SKIC3: variants seen among roughly 807,000 people sequenced by gnomAD.
SKIC3 encodes the protein superkiller complex protein 3.
the SKIC3 span, chr5:95,525,514 CA>C: frequency 6.2e-7 from 1 of 1,613,788 alleles, no homozygotes; most frequent in Non-Finnish European, 8.5e-7. Context: ...ATAAAGTAGA[CA>C]CCTGTCAATT....
the SKIC3 span, among the ~76,000 whole-genome samples, chr5:95,492,706 G>C: frequency 1.4e-5 from 1 of 70,400 alleles, no homozygotes; most frequent in Non-Finnish European, 3.4e-5. Context: ...AACTAAACTA[G>C]ATAACAGCTG....
the SKIC3 span, among the ~76,000 whole-genome samples, chr5:95,479,653 C>T: frequency 0.011 from 1,699 of 149,524 alleles, 30 homozygotes; most frequent in African/African-American, 0.039. Context: ...CATAGGTATG[C>T]ATGTATGTAT....
the SKIC3 span, among the ~76,000 whole-genome samples, chr5:95,529,787 CCTCT>C: frequency 1.3e-5 from 2 of 151,160 alleles, no homozygotes. Flanking sequence ...TCCCTCCCTC[CCTCT>C]CCCTCCCAAT....
the SKIC3 span, chr5:95,530,267 C>T: frequency 1.1e-5 from 17 of 1,608,278 alleles, no homozygotes; most frequent in East Asian, 2.7e-4. Flanking sequence ...ATACATATAT[C>T]GAGTTTCTAA....
At chr5:95,469,851 C>G in the SKIC3 span, 1 of 1,614,172 alleles carries the variant, frequency 6.2e-7, no homozygotes, top group East Asian at 2.2e-5. Flanking sequence ...AGCAAAGCTT[C>G]AAGGCCTCAG....
the SKIC3 span, among the ~76,000 whole-genome samples, chr5:95,475,547 G>A: frequency 6.6e-6 from 1 of 152,136 alleles, no homozygotes; most frequent in Non-Finnish European, 1.5e-5. Flanking sequence ...TATGCTTACT[G>A]TACAGCCTGT....
At chr5:95,472,373 TCTC>T in the SKIC3 span, among the ~76,000 whole-genome samples, 2 of 152,116 alleles carry the variant, frequency 1.3e-5, no homozygotes, top group African/African-American at 2.4e-5. Flanking sequence ...CGCTAGCAAT[TCTC>T]CTCTTCTCTG....
At chr5:95,485,682 G>A in the SKIC3 span, among the ~76,000 whole-genome samples, 3 of 152,080 alleles carry the variant, frequency 2.0e-5, no homozygotes, top group Non-Finnish European at 4.4e-5. Context: ...TGAGTAGAAT[G>A]GGTATTATTT....
the SKIC3 span, among the ~76,000 whole-genome samples, chr5:95,477,706 A>T: frequency 4.6e-5 from 7 of 152,184 alleles, no homozygotes; most frequent in Admixed American, 3.3e-4. Flanking sequence ...CACATGGTAT[A>T]TTTAGAGATA....
At chr5:95,467,714 T>C in the SKIC3 span, 1 of 1,098,046 alleles carries the variant, frequency 9.1e-7, no homozygotes. Context: ...TGTAGTCTTT[T>C]ATTAGCCAAA....
At chr5:95,463,900 ATT>A in the SKIC3 span, 8 of 152,196 alleles carry the variant, frequency 5.3e-5, no homozygotes, top group Non-Finnish European at 7.4e-5. Flanking sequence ...AAGATGCTGT[ATT>A]TTTGTTTTAT....
chr5:95,515,135 G>A, the SKIC3 span: 2 of 497,812 alleles, frequency 4.0e-6, no homozygotes, highest in Non-Finnish European at 7.3e-6. Flanking sequence ...TTCTCCCCAG[G>A]TTAGGAGTTC....
the SKIC3 span, chr5:95,497,399 T>C: frequency 6.2e-7 from 1 of 1,603,228 alleles, no homozygotes; most frequent in South Asian, 1.1e-5. Flanking sequence ...TTGCTAGAAT[T>C]TGAAACGTTA....
the SKIC3 span, among the ~76,000 whole-genome samples, chr5:95,481,596 C>T: frequency 8.5e-5 from 13 of 152,074 alleles, no homozygotes; most frequent in Non-Finnish European, 1.8e-4. Context: ...ATGAAATCAA[C>T]AACATCTAGT....
the SKIC3 span, chr5:95,490,923 C>A: frequency 1.2e-6 from 2 of 1,614,052 alleles, no homozygotes; most frequent in South Asian, 1.1e-5. Flanking sequence ...GCAGAAACAG[C>A]AGATAACAGT....
At chr5:95,552,766 T>A in the SKIC3 span, among the ~76,000 whole-genome samples, 22 of 151,862 alleles carry the variant, frequency 1.4e-4, no homozygotes, top group Admixed American at 5.9e-4. Flanking sequence ...GAATTACTGA[T>A]TAGCAAAAAT....
the SKIC3 span, among the ~76,000 whole-genome samples, chr5:95,504,870 T>G: frequency 6.6e-6 from 1 of 151,608 alleles, no homozygotes; most frequent in African/African-American, 2.4e-5. Flanking sequence ...CCGGGCATGG[T>G]GGTGGGTGCC....
chr5:95,478,487 T>C, the SKIC3 span: 1 of 1,612,162 alleles, frequency 6.2e-7, no homozygotes, highest in Non-Finnish European at 8.5e-7. Flanking sequence ...TTTAGTTTAT[T>C]ATGCAGTCTG....
chr5:95,469,571 CT>C, the SKIC3 span, among the ~76,000 whole-genome samples: 8 of 152,136 alleles, frequency 5.3e-5, no homozygotes, highest in African/African-American at 1.9e-4. Flanking sequence ...ATCAAATTGC[CT>C]TTTTAAACAA....
Sources: gnomAD v4.1 joint callset for allele counts (sites outside exome capture counted in the v4.1 genomes callset) on GRCh38, gnomAD v4.1.1 for gene constraint, MANE v1.5 for transcripts, NCBI Gene and HGNC (gene_info 2026-07-23, HGNC 2026-07-21) for gene names.